DLGAP2: variants seen among roughly 807,000 people sequenced by gnomAD.
DLGAP2 encodes the protein disks large-associated protein 2.
A neutral mutation model predicts 100.3 loss-of-function variants in DLGAP2; 26 were observed. The observed-to-expected ratio is 0.26, with a 90% confidence interval of 0.19 to 0.36. DLGAP2 has a LOEUF of 0.36. Among genes scored for constraint, DLGAP2 ranks in the 10% least tolerant of loss-of-function variants. The probability of loss-of-function intolerance (pLI) is 1.00; values close to 1 mark genes in which losing one functional copy is unlikely to be tolerated. For synonymous variants in DLGAP2, 886 were observed against 630.1 expected (o/e 1.41, Z -6.08); for missense variants, 1,858 against 1,453.2 (o/e 1.28, Z -4.53).
At chr8:775,056 G>A (rs140922352) in intron 1 of DLGAP2, among the ~76,000 whole-genome samples, 3 of 152,104 alleles carry the variant, frequency 2.0e-5, no homozygotes, top group African/African-American at 7.2e-5. Context: ...CCTCGAAGAG[G>A]TCCTTCTCGT....
intron 3 of DLGAP2, among the ~76,000 whole-genome samples, chr8:1,360,149 G>T (rs547542786): frequency 6.6e-6 from 1 of 151,746 alleles, no homozygotes; most frequent in Non-Finnish European, 1.5e-5. Flanking sequence ...GTGTGACCTT[G>T]GTGCAGGTGC....
chr8:1,596,702 C>T lies in DLGAP2; in HGVS notation c.1443-30038C>T, dbSNP rs561893615. Among the ~76,000 whole-genome samples, 3 of 152,244 alleles carry T rather than the reference C, an allele frequency of 2.0e-5. No homozygotes were observed. In the East Asian group the frequency reaches 5.8e-4, roughly 29 times the overall value. Reference sequence around the variant, plus strand: ...AGAAATGCCTGTTCATATCGTTCACCCACTTTATGATTGGGTTGTTAGGTT... The same window carrying T: ...AGAAATGCCTGTTCATATCGTTCACTCACTTTATGATTGGGTTGTTAGGTT... On this transcript the variant is annotated intron_variant, in intron 6 of 14. Coordinates refer to ENST00000637795, the MANE Select transcript of DLGAP2 (RefSeq NM_001346810.2).
At chr8:1,334,867 C>G (rs1801238650) in intron 3 of DLGAP2, among the ~76,000 whole-genome samples, 1 of 152,214 alleles carries the variant, frequency 6.6e-6, no homozygotes, top group Admixed American at 6.5e-5. Flanking sequence ...CCTCTCTCGC[C>G]TCTTTCCTCT....
chr8:1,527,923 A>G (rs899351985), intron 4 of DLGAP2, among the ~76,000 whole-genome samples: 56 of 145,484 alleles, frequency 3.8e-4, no homozygotes, highest in African/African-American at 1.5e-3. Context: ...AGTATCTGCA[A>G]AAAAAAAAAA....
intron 4 of DLGAP2, among the ~76,000 whole-genome samples, chr8:1,546,416 C>G (rs374983060): frequency 6.6e-6 from 1 of 152,206 alleles, no homozygotes; most frequent in African/African-American, 2.4e-5. Flanking sequence ...TGTGAGAAGC[C>G]GGTCCCTGAC....
chr8:1,278,051 G>A (rs1219316487), intron 3 of DLGAP2, among the ~76,000 whole-genome samples: 1 of 152,172 alleles, frequency 6.6e-6, no homozygotes, highest in African/African-American at 2.4e-5. Context: ...GTAGTCTCTT[G>A]CAATTTCAAC....
chr8:929,893 T>C (rs1798916299), intron 2 of DLGAP2, among the ~76,000 whole-genome samples: 1 of 151,858 alleles, frequency 6.6e-6, no homozygotes, highest in African/African-American at 2.4e-5. Context: ...TTGAAATGTA[T>C]TGGGCACTAT....
At chr8:827,128 G>A (rs1047074151) in intron 1 of DLGAP2, among the ~76,000 whole-genome samples, 1 of 152,166 alleles carries the variant, frequency 6.6e-6, no homozygotes, top group African/African-American at 2.4e-5. Flanking sequence ...GGGTCATGGT[G>A]GGGGATGCCA....
chr8:1,586,694 T>G (rs1796131841), intron 6 of DLGAP2, among the ~76,000 whole-genome samples: 1 of 152,224 alleles, frequency 6.6e-6, no homozygotes, highest in African/African-American at 2.4e-5. Context: ...TGTGGCGGAC[T>G]CTAGGCCCAG....
intron 2 of DLGAP2, among the ~76,000 whole-genome samples, chr8:1,176,620 T>C (rs1421387342): frequency 6.6e-6 from 1 of 152,048 alleles, no homozygotes; most frequent in African/African-American, 2.4e-5. Flanking sequence ...TGTTTCCTTG[T>C]GGGGTTGACG....
At chr8:1,671,075 G>A (rs1215124975) in intron 10 of DLGAP2, among the ~76,000 whole-genome samples, 1 of 152,224 alleles carries the variant, frequency 6.6e-6, no homozygotes, top group Non-Finnish European at 1.5e-5. Flanking sequence ...CCAGACTATG[G>A]ATGGGAAAAC....
chr8:1,382,790 C>T (rs559257437), intron 3 of DLGAP2, among the ~76,000 whole-genome samples: 1 of 152,196 alleles, frequency 6.6e-6, no homozygotes, highest in African/African-American at 2.4e-5. Context: ...TTGATTATAG[C>T]AAGAAATCAG....
intron 6 of DLGAP2, among the ~76,000 whole-genome samples, chr8:1,576,653 T>C (rs969942754): frequency 6.6e-6 from 1 of 152,198 alleles, no homozygotes; most frequent in Non-Finnish European, 1.5e-5. Context: ...GTATAAGGTG[T>C]AAGGAAGGGA....
chr8:1,626,746 C>G lies in DLGAP2; in HGVS notation c.1449C>G (p.Thr483=). ...CCTTTCTTCTTTCCTGTAGCCAGACCTACCTGCAAGCTGCAAGCGATGTGC... is the reference window on the plus strand; with the variant it reads ...CCTTTCTTCTTTCCTGTAGCCAGACGTACCTGCAAGCTGCAAGCGATGTGC... The part of the protein sequence containing the change: ...QRPLGEHQTQ[T]YLQAASDVPV... Residue 483 remains threonine, a synonymous_variant, in exon 7 of 15, where the codon ACC becomes ACG. Transcript: ENST00000637795. 1.2e-6 allele frequency: 2 copies of G among 1,600,692 alleles called. No individual in the cohort carries two copies. The highest frequency in any genetic ancestry group is 1.7e-6 in the Non-Finnish European group (2 of 1,173,970).
chr8:1,220,534 A>G (rs982512701), intron 2 of DLGAP2, among the ~76,000 whole-genome samples: 9 of 152,270 alleles, frequency 5.9e-5, no homozygotes, highest in South Asian at 4.2e-4. Context: ...GATGTTATCA[A>G]TCTTGGAATA....
intron 3 of DLGAP2, among the ~76,000 whole-genome samples, chr8:1,390,714 CT>C (rs1466237979): frequency 3.9e-5 from 6 of 152,150 alleles, no homozygotes; most frequent in Non-Finnish European, 7.4e-5. Context: ...GAGGGAGGAT[CT>C]TTTCATTTGG....
At chr8:1,165,813 G>T (rs552089576) in intron 2 of DLGAP2, among the ~76,000 whole-genome samples, 3 of 151,340 alleles carry the variant, frequency 2.0e-5, no homozygotes, top group Non-Finnish European at 2.9e-5. Context: ...TTCTTCTTTG[G>T]CTATCATTTC....
At chr8:1,386,042 T>C (rs1320453083) in intron 3 of DLGAP2, among the ~76,000 whole-genome samples, 3 of 152,250 alleles carry the variant, frequency 2.0e-5, no homozygotes, top group Non-Finnish European at 4.4e-5. Context: ...TACAAAAATA[T>C]GGTTTAATCT....
chr8:1,072,218 G>A (rs1048783184), intron 2 of DLGAP2, among the ~76,000 whole-genome samples: 3 of 152,168 alleles, frequency 2.0e-5, no homozygotes, highest in Admixed American at 6.5e-5. Flanking sequence ...AGGGGACCGG[G>A]AGCCTCCTGA....
Sources: gnomAD v4.1 joint callset for allele counts (sites outside exome capture counted in the v4.1 genomes callset) on GRCh38, gnomAD v4.1.1 for gene constraint, MANE v1.5 for transcripts, NCBI Gene and HGNC (gene_info 2026-07-23, HGNC 2026-07-21) for gene names.